Variants in SEMA6D observed in about 807,000 individuals in gnomAD.
SEMA6D encodes the protein semaphorin-6D.
Under a neutral mutation model 106.6 loss-of-function variants are expected in SEMA6D, and 35 were observed. The ratio of observed to expected loss-of-function variants is 0.33; its 90% CI spans 0.25 to 0.44. The LOEUF is 0.44. Among genes scored for constraint, SEMA6D ranks in the 20% least tolerant of loss-of-function variants. The probability of loss-of-function intolerance (pLI) is 1.00; values close to 1 mark genes in which losing one functional copy is unlikely to be tolerated. For missense variants in SEMA6D, 1,185 were observed against 1,345.9 expected, an observed-to-expected ratio of 0.88 and a Z score of 1.87; for synonymous variants, 499 against 487.7, an observed-to-expected ratio of 1.02 and a Z score of -0.31.
At chr15:47,569,447 C>T (rs2046320381) in intron 3 of SEMA6D, among the ~76,000 whole-genome samples, 1 of 152,078 alleles carries the variant, frequency 6.6e-6, no homozygotes, top group Non-Finnish European at 1.5e-5. Flanking sequence ...TGATGTGAGC[C>T]CTTAGGTCAT....
chr15:47,436,767 A>AT (rs1567078534), intron 2 of SEMA6D, among the ~76,000 whole-genome samples: 31 of 93,390 alleles, frequency 3.3e-4, no homozygotes, highest in African/African-American at 7.5e-4. Flanking sequence ...TTAAAAAAAA[A>AT]AATATATATA....
At chr15:47,720,261 C>CTTTTTTTT (rs869122623) in intron 1 of SEMA6D, among the ~76,000 whole-genome samples, 1 of 97,166 alleles carries the variant, frequency 1.0e-5, no homozygotes, top group Non-Finnish European at 2.0e-5. Context: ...AATAACCTTT[C>CTTTTTTTT]TTTTTTTTTT....
chr15:47,449,686 C>T (rs1839222494), intron 2 of SEMA6D, among the ~76,000 whole-genome samples: 1 of 152,076 alleles, frequency 6.6e-6, no homozygotes, highest in Non-Finnish European at 1.5e-5. Context: ...TTGAGATTCT[C>T]CATGCCTTAC....
chr15:47,358,513 T>C (rs2145024711), intron 1 of SEMA6D, among the ~76,000 whole-genome samples: 1 of 152,312 alleles, frequency 6.6e-6, no homozygotes, highest in African/African-American at 2.4e-5. Flanking sequence ...GGGGAAGAGG[T>C]AAAGGAATGA....
intron 1 of SEMA6D, among the ~76,000 whole-genome samples, chr15:47,402,659 T>C (rs1335837083): frequency 6.6e-6 from 1 of 152,124 alleles, no homozygotes; most frequent in Non-Finnish European, 1.5e-5. Context: ...ATTGTACGTA[T>C]AGATCTGTTT....
intron 4 of SEMA6D, among the ~76,000 whole-genome samples, chr15:47,608,399 T>C (rs1203728431): frequency 6.6e-6 from 1 of 152,178 alleles, no homozygotes; most frequent in East Asian, 1.9e-4. Flanking sequence ...ACTTCAACAG[T>C]AGAAAATGAG....
intron 1 of SEMA6D, among the ~76,000 whole-genome samples, chr15:47,315,015 G>T (rs1383345854): frequency 1.3e-5 from 2 of 150,842 alleles, no homozygotes; most frequent in African/African-American, 4.9e-5. Flanking sequence ...ACAGGCGCCC[G>T]CCATCACGCC....
At chr15:47,506,529 C>T (rs919533999) in intron 3 of SEMA6D, among the ~76,000 whole-genome samples, 4 of 151,366 alleles carry the variant, frequency 2.6e-5, no homozygotes, top group African/African-American at 7.3e-5. Context: ...ATTACCTTGG[C>T]GACTCACCCA....
At chr15:47,347,427 A>G (rs1415079088) in intron 1 of SEMA6D, among the ~76,000 whole-genome samples, 1 of 152,232 alleles carries the variant, frequency 6.6e-6, no homozygotes, top group Non-Finnish European at 1.5e-5. Flanking sequence ...GAGACTATTG[A>G]TCAAAATTTC....
At position 47,772,681 on chromosome 15, in the gene SEMA6D, A is replaced by G. The variant is rs2082681469; in HGVS notation, c.*896A>G. On this transcript the variant is annotated 3_prime_UTR_variant, in exon 19 of 19. Transcript: ENST00000536845. ...TAAGGAGATCAAGATATTAAGAGGT[A>G]TCCTTGATTTATTTTCCAGTATTCA... The G allele has an allele frequency of 6.6e-6, 1 of 152,436 alleles. No individual in the cohort carries two copies. Among genetic ancestry groups the G allele is most frequent in the Admixed American group, 6.6e-5 (1 of 15,256 alleles). The allele number at this position is 152,436 out of a possible 1,614,324, so 9.4% of individuals were successfully genotyped here.
At chr15:47,418,872 T>C (rs1191754029) in intron 2 of SEMA6D, among the ~76,000 whole-genome samples, 1 of 152,138 alleles carries the variant, frequency 6.6e-6, no homozygotes, top group Non-Finnish European at 1.5e-5. Context: ...TCACAGGATA[T>C]GAAAGTTCTC....
chr15:47,619,836 A>G (rs2077068051), intron 4 of SEMA6D, among the ~76,000 whole-genome samples: 1 of 152,220 alleles, frequency 6.6e-6, no homozygotes, highest in Non-Finnish European at 1.5e-5. Flanking sequence ...CTTACTTGGA[A>G]AACTATAAGA....
At chr15:47,358,123 A>G (rs2038661626) in intron 1 of SEMA6D, among the ~76,000 whole-genome samples, 1 of 152,210 alleles carries the variant, frequency 6.6e-6, no homozygotes, top group South Asian at 2.1e-4. Context: ...TTCCTAAGGC[A>G]GATGATGCTG....
At chr15:47,270,517 A>G (rs1317988601) in intron 1 of SEMA6D, among the ~76,000 whole-genome samples, 3 of 152,056 alleles carry the variant, frequency 2.0e-5, no homozygotes, top group Non-Finnish European at 2.9e-5. Context: ...ATGACGTGAC[A>G]GAAGATATCC....
At chr15:47,521,984 CAAAAAAAAAAAA>C (rs61136000) in intron 3 of SEMA6D, among the ~76,000 whole-genome samples, 1 of 82,026 alleles carries the variant, frequency 1.2e-5, no homozygotes, top group African/African-American at 4.1e-5. Flanking sequence ...GACTCCGTCT[CAAAAAAAAAAAA>C]AAAAGAAAGA....
At chr15:47,740,913 G>C (rs1389911303) in intron 1 of SEMA6D, among the ~76,000 whole-genome samples, 1 of 152,156 alleles carries the variant, frequency 6.6e-6, no homozygotes, top group East Asian at 1.9e-4. Flanking sequence ...TTAAGATTTA[G>C]GGAGGCAGGA....
chr15:47,696,172 A>G (rs971320000), intron 4 of SEMA6D, among the ~76,000 whole-genome samples: 2 of 152,170 alleles, frequency 1.3e-5, no homozygotes, highest in African/African-American at 2.4e-5. Context: ...AGATTTTGTT[A>G]GGGACTGAAA....
intron 1 of SEMA6D, among the ~76,000 whole-genome samples, chr15:47,336,694 A>C (rs1483364871): frequency 6.6e-6 from 1 of 152,156 alleles, no homozygotes; most frequent in African/African-American, 2.4e-5. Context: ...TGCTACCTGG[A>C]GGATGGAAGG....
intron 4 of SEMA6D, among the ~76,000 whole-genome samples, chr15:47,643,447 A>G (rs1369784566): frequency 6.6e-6 from 1 of 152,216 alleles, no homozygotes; most frequent in African/African-American, 2.4e-5. Context: ...TAGCTGTAGC[A>G]TGCAACATGA....
Sources: gnomAD v4.1 joint callset for allele counts (sites outside exome capture counted in the v4.1 genomes callset) on GRCh38, gnomAD v4.1.1 for gene constraint, MANE v1.5 for transcripts, NCBI Gene and HGNC (gene_info 2026-07-23, HGNC 2026-07-21) for gene names.